The following PIK3R4 variants were observed in gnomAD, a reference collection of about 807,000 sequenced individuals.
PIK3R4 encodes the protein phosphoinositide-3-kinase regulatory subunit 4, also known as phosphoinositide 3-kinase regulatory subunit 4.
A neutral mutation model predicts 136.5 loss-of-function variants in PIK3R4; 46 were observed. The observed-to-expected ratio is 0.34, with a 90% CI of 0.27 to 0.43. PIK3R4 has a LOEUF of 0.43. Ranked by LOEUF, PIK3R4 falls within the 20% of genes least tolerant of loss-of-function variation. The probability of loss-of-function intolerance (pLI) is 1.00; values close to 1 mark genes in which losing one functional copy is unlikely to be tolerated. For synonymous variants in PIK3R4, 557 were observed against 566.7 expected (o/e 0.98, Z 0.24); for missense variants, 1,331 against 1,649.5 (o/e 0.81, Z 3.35).
intron 13 of PIK3R4, among the ~76,000 whole-genome samples, chr3:130,702,068 G>A (rs1004207638): frequency 3.3e-5 from 5 of 152,042 alleles, no homozygotes; most frequent in Non-Finnish European, 7.4e-5. Flanking sequence ...TTGAAACCCA[G>A]GAGTGCAAGG....
chr3:130,684,367 T>A lies in PIK3R4; in HGVS notation c.3490A>T (p.Thr1164Ser). The A allele has an allele frequency of 1.9e-6, 3 of 1,613,356 alleles. No homozygotes were observed. Among genetic ancestry groups the A allele is most frequent in the Non-Finnish European group, 2.5e-6 (3 of 1,179,436 alleles). The part of the protein sequence containing the change: ...CWLCIGTSSG[T>S]MACWDMRFQL... Reference sequence around the variant, plus strand: ...AACCTCATGTCCCAACAAGCCATGGTACCACTGCTTGTACCTTAAAGAAAA... The same window carrying A: ...AACCTCATGTCCCAACAAGCCATGGAACCACTGCTTGTACCTTAAAGAAAA... Residue 1164 changes from threonine (T) to serine (S), a missense_variant, in exon 16 of 20, where the codon ACC becomes TCC. Transcript: ENST00000356763.
chr3:130,686,247 A>G lies in PIK3R4; in HGVS notation c.3439T>C (p.Phe1147Leu), dbSNP rs1286896706. 3 of 1,613,316 alleles carry G rather than the reference A, an allele frequency of 1.9e-6. No individual in the cohort carries two copies. The highest frequency in any genetic ancestry group is 4.5e-5 in the East Asian group (2 of 44,878). Residue 1147 changes from phenylalanine (F) to leucine (L), a missense_variant, in exon 15 of 20, where the codon TTT becomes CTT. By Grantham distance (22) the Phe-to-Leu change is conservative. This residue lies in a region of PIK3R4 where 1,180 missense variants were observed against 1,407.0 expected (regional missense o/e 0.84). Transcript: ENST00000356763. ...CAGCATTGGTGGATGTCCACAGCAA[A>G]GGAAGTGATGAGGCCCGACTTTAAA... ...HDLKSGLITS[F>L]AVDIHQCWLC...
intron 12 of PIK3R4, among the ~76,000 whole-genome samples, chr3:130,704,701 T>C (rs1048700179): frequency 3.9e-5 from 6 of 152,226 alleles, no homozygotes; most frequent in Non-Finnish European, 7.3e-5. Flanking sequence ...CAGATTTTCA[T>C]TTGAAGTATC....
In PIK3R4 at chr3:130,681,535, A is replaced by G. The variant is rs1177556611; in HGVS notation, c.3664T>C (p.Phe1222Leu). The G allele has an allele frequency of 5.6e-6, 9 of 1,613,270 alleles. No individual in the cohort carries two copies. In the East Asian group the frequency reaches 1.8e-4, roughly 32 times the overall value. ...MWDMETGDRRFTLWASSAPPL... is the reference protein window; with the variant it reads ...MWDMETGDRRLTLWASSAPPL... ...GGTGCACTGCTGGCCCAGAGAGTAAATCTTCTGTCACCAGTCTCCATGTCC... is the reference window on the plus strand; with the variant it reads ...GGTGCACTGCTGGCCCAGAGAGTAAGTCTTCTGTCACCAGTCTCCATGTCC... The change falls in exon 17 of 20, where the codon TTT (phenylalanine) becomes CTT (leucine). Residue 1222 changes from phenylalanine to leucine, a missense_variant. Physicochemically the swap from Phe to Leu is conservative, Grantham distance 22. Coordinates refer to ENST00000356763, the MANE Select transcript of PIK3R4 (RefSeq NM_014602.3).
intron 14 of PIK3R4, 98 bp from the exon 15 acceptor site, chr3:130,686,520 C>T: frequency 1.4e-6 from 1 of 731,688 alleles, no homozygotes; most frequent in East Asian, 2.6e-5. Context: ...AGTCAAGAAA[C>T]CAGAGCTATG....
intron 7 of PIK3R4, among the ~76,000 whole-genome samples, chr3:130,723,014 A>C (rs1411455915): frequency 7.3e-6 from 1 of 137,478 alleles, no homozygotes; most frequent in Non-Finnish European, 1.5e-5. Context: ...CAGTGAGCCA[A>C]GATCACACAC....
chr3:130,727,387 C>A (rs2066738526), intron 6 of PIK3R4, among the ~76,000 whole-genome samples: 1 of 152,174 alleles, frequency 6.6e-6, no homozygotes, highest in Admixed American at 6.5e-5. Flanking sequence ...CCGCGCCCGG[C>A]TGATTTTTTG....
intron 16 of PIK3R4, 30 bp downstream of exon 16, chr3:130,684,220 C>T (rs1373648293): frequency 1.3e-6 from 2 of 1,598,048 alleles, no homozygotes; most frequent in Admixed American, 1.7e-5. Context: ...GAAAATCTCC[C>T]AACACATGAA....
chr3:130,716,498 T>A lies in PIK3R4; in HGVS notation c.2229A>T (p.Arg743Ser). The change falls in exon 9 of 20, where the codon AGA (arginine) becomes AGT (serine). Residue 743 changes from arginine to serine, a missense_variant. Physicochemically the swap from Arg to Ser is moderately radical, Grantham distance 110 (BLOSUM62 -1). Around this residue, in one of 2 missense-constraint regions of PIK3R4, gnomAD observed 1,180 missense variants for 1,407.0 expected, o/e 0.84. Coordinates refer to ENST00000356763, the MANE Select transcript of PIK3R4 (RefSeq NM_014602.3). ...LRSKDITSLF[R>S]HLHMRQKKRN... Reference sequence around the variant, plus strand: ...GTTTCTTCTGACGCATGTGAAGATGTCTGAACAAGCTAGTAATATCTTTAG... The same window carrying A: ...GTTTCTTCTGACGCATGTGAAGATGACTGAACAAGCTAGTAATATCTTTAG... 2 of 1,613,886 alleles carry A rather than the reference T, an allele frequency of 1.2e-6. No individual in the cohort carries two copies. Among genetic ancestry groups the A allele is most frequent in the Non-Finnish European group, 8.5e-7 (1 of 1,179,728 alleles).
At chr3:130,680,038 G>A (rs2066447199) in intron 19 of PIK3R4, among the ~76,000 whole-genome samples, 1 of 127,888 alleles carries the variant, frequency 7.8e-6, no homozygotes, top group Non-Finnish European at 1.5e-5. Flanking sequence ...TCGTGCCACT[G>A]CACTCCAGCA....
intron 4 of PIK3R4, among the ~76,000 whole-genome samples, chr3:130,733,300 T>A (rs1043027261): frequency 3.3e-5 from 5 of 152,234 alleles, no homozygotes. Context: ...CCAAGTCGAA[T>A]GTAGTATTCC....
chr3:130,680,417 C>A, intron 19 of PIK3R4, 196 bp downstream of exon 19: 2 of 394,250 alleles, frequency 5.1e-6, no homozygotes, highest in Non-Finnish European at 9.2e-6. Context: ...TGAGCTATTA[C>A]TTATATGCAC....
At chr3:130,741,123 A>G (rs2066821096) in intron 2 of PIK3R4, among the ~76,000 whole-genome samples, 1 of 152,180 alleles carries the variant, frequency 6.6e-6, no homozygotes, top group African/African-American at 2.4e-5. Context: ...CATATGTTTA[A>G]TCTCCATACC....
intron 13 of PIK3R4, among the ~76,000 whole-genome samples, chr3:130,697,063 CTTTTTTTTTTT>C (rs60432343): frequency 1.5e-4 from 11 of 73,070 alleles, no homozygotes; most frequent in Non-Finnish European, 2.0e-4. Flanking sequence ...GCCACTCCAG[CTTTTTTTTTTT>C]TTTTTTTTTT....
chr3:130,727,079 A>C (rs2066735797), intron 6 of PIK3R4, among the ~76,000 whole-genome samples: 2 of 152,212 alleles, frequency 1.3e-5, no homozygotes, highest in Non-Finnish European at 2.9e-5. Context: ...TCAAAGTAGA[A>C]AGTACCCTTT....
chr3:130,741,728 A>C (rs184548170), intron 2 of PIK3R4, among the ~76,000 whole-genome samples: 319 of 152,226 alleles, frequency 2.1e-3, no homozygotes, highest in African/African-American at 5.6e-3. Flanking sequence ...TGTTTATTCT[A>C]TCTCTCTCCC....
chr3:130,740,300 G>A (rs1270958801), intron 2 of PIK3R4, among the ~76,000 whole-genome samples: 2 of 152,162 alleles, frequency 1.3e-5, no homozygotes, highest in African/African-American at 4.8e-5. Context: ...ACAAGGTCCT[G>A]TCCTGAAACA....
intron 9 of PIK3R4, among the ~76,000 whole-genome samples, chr3:130,712,188 T>A (rs2107610689): frequency 6.6e-6 from 1 of 152,272 alleles, no homozygotes; most frequent in Non-Finnish European, 1.5e-5. Flanking sequence ...TAACATATTT[T>A]CCCATAGAAA....
chr3:130,688,147 CA>C (rs2107600825), intron 14 of PIK3R4, among the ~76,000 whole-genome samples: 1 of 152,260 alleles, frequency 6.6e-6, no homozygotes, highest in East Asian at 1.9e-4. Flanking sequence ...TATCTAGCAC[CA>C]GAGTTCATTC....
Sources: allele counts gnomAD v4.1 joint callset (sites outside exome capture counted in the v4.1 genomes callset), GRCh38; gene constraint gnomAD v4.1.1; regional missense constraint gnomAD v4.1.1; transcripts MANE v1.5; gene names NCBI Gene and HGNC (gene_info 2026-07-23, HGNC 2026-07-21).